The following RABGAP1L variants were observed in gnomAD, a reference collection of about 807,000 sequenced individuals.
The protein encoded by RABGAP1L is RAB GTPase activating protein 1 like.
In RABGAP1L, 63 loss-of-function variants were observed where a neutral mutation model predicts 137.7. The ratio of observed to expected loss-of-function variants is 0.46; its 90% CI spans 0.37 to 0.56. RABGAP1L has a LOEUF of 0.56. Among genes scored for constraint, RABGAP1L ranks in the 20% least tolerant of loss-of-function variants. The probability of loss-of-function intolerance (pLI) is 0.00; values close to 1 mark genes in which losing one functional copy is unlikely to be tolerated. For missense variants in RABGAP1L, 1,095 were observed against 1,244.0 expected (o/e 0.88, Z 1.80); for synonymous variants, 431 against 433.7 (o/e 0.99, Z 0.08).
chr1:174,220,400 C>G (rs1023751820), intron 2 of RABGAP1L, among the ~76,000 whole-genome samples: 1 of 152,140 alleles, frequency 6.6e-6, no homozygotes, highest in Non-Finnish European at 1.5e-5. Context: ...GGCGTGGTGG[C>G]TCATAGCCTG....
At chr1:174,696,484 T>G (rs1679269772) in intron 15 of RABGAP1L, among the ~76,000 whole-genome samples, 1 of 152,170 alleles carries the variant, frequency 6.6e-6, no homozygotes, top group Admixed American at 6.5e-5. Flanking sequence ...GCACCAGGAC[T>G]TGCCGGAAGA....
At chr1:174,624,877 T>G (rs1293509951) in intron 13 of RABGAP1L, among the ~76,000 whole-genome samples, 1 of 150,928 alleles carries the variant, frequency 6.6e-6, no homozygotes, top group Non-Finnish European at 1.5e-5. Flanking sequence ...TCTTGCCTTT[T>G]TTTTTTTTTT....
At chr1:174,199,515 C>T (rs753462611) in intron 1 of RABGAP1L, among the ~76,000 whole-genome samples, 47 of 152,152 alleles carry the variant, frequency 3.1e-4, no homozygotes, top group Non-Finnish European at 5.1e-4. Context: ...TGGTCTCGAA[C>T]TCCTGACCGC....
chr1:174,252,238 A>C (rs1462421418), intron 6 of RABGAP1L, among the ~76,000 whole-genome samples: 1 of 152,188 alleles, frequency 6.6e-6, no homozygotes, highest in Non-Finnish European at 1.5e-5. Context: ...TGGTTAGCAG[A>C]CAAAATATAA....
intron 12 of RABGAP1L, among the ~76,000 whole-genome samples, chr1:174,389,288 T>C (rs1160970823): frequency 1.3e-5 from 2 of 151,972 alleles, no homozygotes; most frequent in Admixed American, 6.6e-5. Context: ...GTCTTTTCCT[T>C]TCTAGAGAGA....
intron 11 of RABGAP1L, among the ~76,000 whole-genome samples, chr1:174,355,503 A>G (rs1683555616): frequency 6.6e-6 from 1 of 151,214 alleles, no homozygotes; most frequent in East Asian, 1.9e-4. Flanking sequence ...TAGGAGATAT[A>G]CCTAATGCTA....
chr1:174,441,944 G>A (rs916464779), intron 13 of RABGAP1L, among the ~76,000 whole-genome samples: 8 of 151,416 alleles, frequency 5.3e-5, no homozygotes, highest in African/African-American at 1.9e-4. Context: ...TTAGAAGCAT[G>A]TGCAATTATC....
intron 19 of RABGAP1L, among the ~76,000 whole-genome samples, chr1:174,883,048 T>C (rs1356999595): frequency 1.3e-5 from 2 of 152,286 alleles, no homozygotes; most frequent in African/African-American, 4.8e-5. Context: ...GGTCTTGAAC[T>C]CCTGACCTCA....
chr1:174,382,916 TG>T (rs1384801343), intron 12 of RABGAP1L, among the ~76,000 whole-genome samples: 5 of 151,590 alleles, frequency 3.3e-5, no homozygotes, highest in African/African-American at 7.3e-5. Flanking sequence ...CCCATCTTTG[TG>T]GTTTTATGTA....
At chr1:174,384,456 G>A (rs947470704) in intron 12 of RABGAP1L, among the ~76,000 whole-genome samples, 8 of 151,510 alleles carry the variant, frequency 5.3e-5, no homozygotes, top group African/African-American at 1.9e-4. Flanking sequence ...AGAAAAAAAA[G>A]CCCTGAGTTT....
intron 11 of RABGAP1L, among the ~76,000 whole-genome samples, chr1:174,332,214 G>A (rs1005713095): frequency 3.3e-5 from 5 of 152,102 alleles, no homozygotes; most frequent in Admixed American, 2.0e-4. Context: ...GTACAGTTGG[G>A]TATTTTGGCA....
chr1:174,734,145 G>T (rs2148630196), intron 17 of RABGAP1L, among the ~76,000 whole-genome samples: 1 of 152,308 alleles, frequency 6.6e-6, no homozygotes, highest in East Asian at 1.9e-4. Flanking sequence ...ACATGTTTTT[G>T]ATTCCTATTA....
chr1:174,172,176 T>TGTGTGTGTGTGTG (rs1665455606), intron 1 of RABGAP1L, among the ~76,000 whole-genome samples: 1 of 123,582 alleles, frequency 8.1e-6, no homozygotes, highest in African/African-American at 3.1e-5. Flanking sequence ...TAATATTCCC[T>TGTGTGTGTGTGTG]TGTGTGTGTG....
At chr1:174,723,861 T>C (rs1681778030) in intron 17 of RABGAP1L, among the ~76,000 whole-genome samples, 1 of 152,206 alleles carries the variant, frequency 6.6e-6, no homozygotes, top group African/African-American at 2.4e-5. Flanking sequence ...TGCATTGTTA[T>C]ATAAATAGGA....
At chr1:174,370,871 AGAG>A in intron 11 of RABGAP1L, 105 bp from the exon 12 acceptor site, 1 of 474,430 alleles carries the variant, frequency 2.1e-6, no homozygotes, top group Non-Finnish European at 3.6e-6. Flanking sequence ...AATAATATGA[AGAG>A]AAGCTGGTTT....
chr1:174,668,149 A>G (rs951316298), intron 14 of RABGAP1L, among the ~76,000 whole-genome samples: 81 of 152,192 alleles, frequency 5.3e-4, no homozygotes, highest in African/African-American at 1.9e-3. Context: ...TTTTGTGAGA[A>G]TATACTATAT....
rs1171524197 is a variant in RABGAP1L at position 174,305,143 on chromosome 1, TACTC to T, written c.1465+18_1465+21del. On this transcript the variant is annotated intron_variant, in intron 11 of 25. Coordinates refer to ENST00000681986, the MANE Select transcript of RABGAP1L (RefSeq NM_001366446.1). ...GCAGAAGAGGGTAAGAAGTTGGACT[TACTC>T]AGTTTATTCTGTCTGTATAGCTGCT... The T allele has an allele frequency of 3.3e-6, 5 of 1,516,272 alleles. No individual in the cohort carries two copies. Among genetic ancestry groups the T allele is most frequent in the Non-Finnish European group, 4.4e-6 (5 of 1,143,838 alleles). 93.9% of individuals were successfully genotyped at this position (1,516,272 alleles called of 1,614,324 possible).
At chr1:174,365,558 C>T (rs568426578) in intron 11 of RABGAP1L, among the ~76,000 whole-genome samples, 52 of 152,228 alleles carry the variant, frequency 3.4e-4, no homozygotes, top group African/African-American at 1.2e-3. Context: ...CAAATGCTCC[C>T]TCTGTGTGTG....
chr1:174,699,674 A>G (rs113771758), intron 16 of RABGAP1L, 24 bp downstream of exon 16: 2 of 1,576,714 alleles, frequency 1.3e-6, no homozygotes, highest in Admixed American at 1.7e-5. Context: ...AGGAACTTTT[A>G]TCACTCAGGG....
Sources: allele counts gnomAD v4.1 joint callset (sites outside exome capture counted in the v4.1 genomes callset), GRCh38; gene constraint gnomAD v4.1.1; transcripts MANE v1.5; gene names NCBI Gene and HGNC (gene_info 2026-07-23, HGNC 2026-07-21).